RECK: variants seen among roughly 807,000 people sequenced by gnomAD.
The protein encoded by RECK is reversion-inducing cysteine-rich protein with Kazal motifs.
Under a neutral mutation model 115.1 loss-of-function variants are expected in RECK, and 69 were observed. That is an observed-to-expected ratio of 0.60 (90% CI 0.49 to 0.73). The LOEUF is 0.73. RECK is among the 30% of genes least tolerant of loss of function. The pLI, the probability that RECK is intolerant of heterozygous loss-of-function variation, is 0.00. For synonymous variants in RECK, 414 were observed against 419.7 expected, an observed-to-expected ratio of 0.99 and a Z score of 0.17; for missense variants, 1,047 against 1,203.7, an observed-to-expected ratio of 0.87 and a Z score of 1.93.
intron 16 of RECK, among the ~76,000 whole-genome samples, chr9:36,114,548 A>G (rs562965768): frequency 1.3e-5 from 2 of 152,346 alleles, no homozygotes; most frequent in South Asian, 4.1e-4. Flanking sequence ...TTATCCTTAC[A>G]TAAAATATAT....
chr9:36,075,201 C>A (rs1822401529), intron 6 of RECK, among the ~76,000 whole-genome samples: 1 of 152,202 alleles, frequency 6.6e-6, no homozygotes, highest in African/African-American at 2.4e-5. Context: ...AGTTACTGTA[C>A]AATAAATAGA....
At chr9:36,045,214 A>G (rs2132551636) in intron 1 of RECK, among the ~76,000 whole-genome samples, 1 of 152,240 alleles carries the variant, frequency 6.6e-6, no homozygotes, top group East Asian at 1.9e-4. Context: ...CTGACTGTAT[A>G]CTTTATGCAG....
intron 10 of RECK, 54 bp downstream of exon 10, chr9:36,091,397 A>G: frequency 8.1e-7 from 1 of 1,229,940 alleles, no homozygotes; most frequent in Non-Finnish European, 1.1e-6. Flanking sequence ...AATTATAAAT[A>G]AGTGAAATAC....
intron 6 of RECK, chr9:36,066,891 T>C (rs1176394897): frequency 2.4e-6 from 3 of 1,242,762 alleles, no homozygotes; most frequent in Admixed American, 4.6e-5. Flanking sequence ...CAAACTGTCC[T>C]ATGATAGAAA....
chr9:36,042,496 G>A (rs1820907195), intron 1 of RECK, among the ~76,000 whole-genome samples: 1 of 150,144 alleles, frequency 6.7e-6, no homozygotes, highest in African/African-American at 2.5e-5. Context: ...TTATCCAATG[G>A]GCATTTGGGC....
At chr9:36,056,742 C>G (rs567691259) in intron 2 of RECK, among the ~76,000 whole-genome samples, 7 of 151,832 alleles carry the variant, frequency 4.6e-5, no homozygotes, top group Non-Finnish European at 8.8e-5. Context: ...CCACACATGG[C>G]TAACAGCTAC....
intron 6 of RECK, among the ~76,000 whole-genome samples, chr9:36,066,330 G>A (rs1435912288): frequency 6.6e-6 from 1 of 152,124 alleles, no homozygotes; most frequent in Non-Finnish European, 1.5e-5. Context: ...TTTTTGTAGT[G>A]TAAGGCTATG....
At chr9:36,041,902 T>C (rs1820881757) in intron 1 of RECK, among the ~76,000 whole-genome samples, 1 of 151,996 alleles carries the variant, frequency 6.6e-6, no homozygotes, top group Non-Finnish European at 1.5e-5. Context: ...CTGAGTATGA[T>C]TTAGTCCAAT....
At chr9:36,073,689 C>T (rs909925121) in intron 6 of RECK, among the ~76,000 whole-genome samples, 4 of 152,190 alleles carry the variant, frequency 2.6e-5, no homozygotes, top group African/African-American at 9.7e-5. Flanking sequence ...TGCTCCTCAG[C>T]CCAGTATCCC....
intron 16 of RECK, among the ~76,000 whole-genome samples, chr9:36,114,605 C>A (rs551614917): frequency 1.9e-3 from 297 of 152,314 alleles, no homozygotes; most frequent in Non-Finnish European, 3.4e-3. Context: ...GTATTCCCAG[C>A]ACCTTGGGAA....
chr9:36,087,650 CAA>C (rs758132202), intron 8 of RECK, 42 bp from the exon 9 acceptor site: 5 of 1,577,116 alleles, frequency 3.2e-6, no homozygotes, highest in Admixed American at 1.8e-5. Context: ...TAAAAACAAA[CAA>C]AAAAAACAGC....
chr9:36,049,336 T>C (rs983405493), intron 1 of RECK, among the ~76,000 whole-genome samples: 2 of 152,172 alleles, frequency 1.3e-5, no homozygotes, highest in Admixed American at 6.5e-5. Context: ...GTTGATACCA[T>C]GTGGCTAAAA....
chr9:36,063,694 G>C, intron 4 of RECK, 101 bp from the exon 5 acceptor site: 5 of 1,060,046 alleles, frequency 4.7e-6, no homozygotes, highest in Non-Finnish European at 7.1e-6. Flanking sequence ...TTTTCTTATG[G>C]ACAGCTGCTT....
chr9:36,061,840 T>G (rs1318189616), intron 4 of RECK, among the ~76,000 whole-genome samples: 1 of 152,206 alleles, frequency 6.6e-6, no homozygotes, highest in African/African-American at 2.4e-5. Flanking sequence ...TTTTTATAAT[T>G]GGGGTAGTTT....
chr9:36,082,152 T>TCTCTCTC (rs1822728438), intron 7 of RECK, among the ~76,000 whole-genome samples: 1 of 113,650 alleles, frequency 8.8e-6, no homozygotes, highest in African/African-American at 3.2e-5. Context: ...CCTCCCTGCT[T>TCTCTCTC]TCTCTCTCTC....
chr9:36,097,508 A>G (rs775785661), intron 10 of RECK, among the ~76,000 whole-genome samples: 9 of 152,208 alleles, frequency 5.9e-5, no homozygotes, highest in Non-Finnish European at 1.0e-4. Flanking sequence ...AATGGCTATT[A>G]TCAAAAAGAT....
intron 16 of RECK, 25 bp from the exon 17 acceptor site, chr9:36,116,960 A>T: frequency 6.3e-7 from 1 of 1,585,358 alleles, no homozygotes; most frequent in Non-Finnish European, 8.6e-7. Context: ...ACATTGGCTC[A>T]TGGTGCTGCA....
At chr9:36,052,448 C>A in intron 2 of RECK, 125 bp downstream of exon 2, 4 of 601,048 alleles carry the variant, frequency 6.7e-6, no homozygotes, top group Non-Finnish European at 9.1e-6. Context: ...GCCAGGACAA[C>A]ATAGCAAGAC....
chr9:36,071,851 C>G (rs1419788019), intron 6 of RECK, among the ~76,000 whole-genome samples: 1 of 152,146 alleles, frequency 6.6e-6, no homozygotes, highest in Non-Finnish European at 1.5e-5. Flanking sequence ...ATTCTGTCTT[C>G]TGTTAGTCCC....
Sources: allele counts gnomAD v4.1 joint callset (sites outside exome capture counted in the v4.1 genomes callset), GRCh38; gene constraint gnomAD v4.1.1; transcripts MANE v1.5; gene names NCBI Gene and HGNC (gene_info 2026-07-23, HGNC 2026-07-21).